Variants in TBCB observed in about 807,000 individuals in gnomAD.
TBCB encodes the protein tubulin folding cofactor B.
In TBCB, 18 loss-of-function variants were observed where a neutral mutation model predicts 29.2. That is an observed-to-expected ratio of 0.62 (90% CI 0.43 to 0.91). The LOEUF is 0.91. Ranked by LOEUF, TBCB falls within the 40% of genes least tolerant of loss-of-function variation. The probability of loss-of-function intolerance (pLI) is 0.00; values close to 1 mark genes in which losing one functional copy is unlikely to be tolerated. For synonymous variants in TBCB, 172 were observed against 137.8 expected (o/e 1.25, Z -1.74); for missense variants, 336 against 337.6 (o/e 1.00, Z 0.04).
Position 36,115,488 on chromosome 19 carries a change from A to AGCAGCG in TBCB, c.-71_-70insAGCGGC. ...GCGGGGCTGATAGCCCAGCAGCAGC[A>AGCAGCG]GCGGCGGCGGCGGCTGCGGAGCGGG... On this transcript the variant is annotated 5_prime_UTR_variant, in exon 1 of 6. Coordinates refer to ENST00000221855, the MANE Select transcript of TBCB (RefSeq NM_001281.3). 1 of 1,149,050 alleles carries AGCAGCG rather than the reference A, an allele frequency of 8.7e-7. No homozygotes were observed. Among genetic ancestry groups the AGCAGCG allele is most frequent in the South Asian group, 1.4e-5 (1 of 72,144 alleles). The allele number at this position is 1,149,050 out of a possible 1,614,324, so 71.2% of individuals were successfully genotyped here.
chr19:36,115,960 A>G, intron 1 of TBCB, 81 bp from the exon 2 acceptor site: 2 of 1,555,762 alleles, frequency 1.3e-6, no homozygotes, highest in Middle Eastern at 3.6e-4. Flanking sequence ...TTTTGGAGGA[A>G]AAGGGACGTG....
chr19:36,115,403 G>A, upstream of TBCB: 1 of 612,560 alleles, frequency 1.6e-6, no homozygotes, highest in East Asian at 2.9e-5. Context: ...GGAAGGGACG[G>A]CGGCGATTGG....
Position 36,125,853 on chromosome 19 carries a change from C to G in TBCB, c.*71C>G. 1 of 1,096,886 alleles carries G rather than the reference C, an allele frequency of 9.1e-7. No individual in the cohort carries two copies. The highest frequency in any genetic ancestry group is 1.3e-6 in the Non-Finnish European group (1 of 796,784). The allele number at this position is 1,096,886 out of a possible 1,614,324, so 67.9% of individuals were successfully genotyped here. On this transcript the variant is annotated 3_prime_UTR_variant, in exon 6 of 6. Transcript: ENST00000221855. ...TGCCCCTCCTGTGTGTGCCCATGGC[C>G]CTTTTCTCCTGACCCCATTTTAATT...
At chr19:36,119,207 C>G (rs1213090766) in intron 2 of TBCB, among the ~76,000 whole-genome samples, 2 of 152,096 alleles carry the variant, frequency 1.3e-5, no homozygotes, top group Non-Finnish European at 1.5e-5. Flanking sequence ...TAAATATCAC[C>G]CATATTCATT....
chr19:36,122,799 G>C (rs1198014358), intron 4 of TBCB, among the ~76,000 whole-genome samples: 2 of 149,548 alleles, frequency 1.3e-5, no homozygotes, highest in East Asian at 2.0e-4. Context: ...TATATGTATT[G>C]TTACATGGGT....
chr19:36,116,382 C>T (rs982306540), intron 2 of TBCB, 198 bp downstream of exon 2: 2 of 630,572 alleles, frequency 3.2e-6, no homozygotes, highest in Non-Finnish European at 5.0e-6. Flanking sequence ...CAGGAAATCC[C>T]AGGGGACTGG....
intron 2 of TBCB, among the ~76,000 whole-genome samples, chr19:36,119,582 G>A (rs552793566): frequency 7.9e-5 from 12 of 152,202 alleles, no homozygotes; most frequent in East Asian, 3.9e-4. Flanking sequence ...GTGGCACTTC[G>A]CTCCAGATAA....
chr19:36,115,589 C>G lies in TBCB; in HGVS notation c.29C>G (p.Thr10Arg). MEVTGVSAP[T>R]VTVFISSSLN... is the part of the protein sequence containing the mutation. ...GAGGTGACGGGGGTGTCGGCACCCA[C>G]GGTGACCGTTTTCATCAGCAGCTCC... The change falls in exon 1 of 6, where the codon ACG becomes AGG. Residue 10 changes from threonine (T) to arginine (R), a missense_variant. Transcript: ENST00000221855. 1.9e-6 allele frequency: 3 copies of G among 1,609,852 alleles called. No individual in the cohort carries two copies. The highest frequency in any genetic ancestry group is 2.5e-6 in the Non-Finnish European group (3 of 1,178,346).
At chr19:36,121,011 T>C (rs1041895850) in intron 3 of TBCB, among the ~76,000 whole-genome samples, 2 of 142,162 alleles carry the variant, frequency 1.4e-5, no homozygotes, top group African/African-American at 5.3e-5. Flanking sequence ...GTGTCAGGGG[T>C]ATGGGCAGTC....
At position 36,116,301 on chromosome 19, in the gene TBCB, C is replaced by T. The variant is rs1458919410; in HGVS notation, c.258+117C>T. The T allele has an allele frequency of 5.9e-6, 8 of 1,366,392 alleles. No individual in the cohort carries two copies. The Admixed American group carries it at 5.9e-5, about 10-fold the overall frequency. 84.6% of individuals were successfully genotyped at this position (1,366,392 alleles called of 1,614,324 possible). A position where few individuals can be genotyped will look rare whatever the true frequency, so the allele number is the denominator to read the frequency against. On this transcript the variant is annotated intron_variant, in intron 2 of 5. Transcript: ENST00000221855. ...GAGATAGGTCCTGCCTTCGTGGAGC[C>T]TCCAGTGCAGCCTGACGAGAGACAG...
chr19:36,123,330 C>T (rs548543657), intron 4 of TBCB, among the ~76,000 whole-genome samples: 4 of 149,648 alleles, frequency 2.7e-5, no homozygotes, highest in Admixed American at 6.7e-5. Context: ...GGCACAATCT[C>T]GGCCATTTCA....
chr19:36,115,287 C>T (rs1351945705), upstream of TBCB: 1 of 549,360 alleles, frequency 1.8e-6, no homozygotes, highest in Non-Finnish European at 3.2e-6. Flanking sequence ...GCCGCCTGTT[C>T]TGGTCCTTTC....
chr19:36,118,997 C>G (rs1057452072), intron 2 of TBCB, among the ~76,000 whole-genome samples: 3 of 152,128 alleles, frequency 2.0e-5, no homozygotes, highest in African/African-American at 7.2e-5. Context: ...GTGCACAGGA[C>G]TGAGCCTTTG....
chr19:36,124,622 C>T (rs1438207500), intron 4 of TBCB, among the ~76,000 whole-genome samples: 1 of 152,052 alleles, frequency 6.6e-6, no homozygotes, highest in African/African-American at 2.4e-5. Flanking sequence ...TCGCTCGTTC[C>T]AACCTCCGCC....
intron 3 of TBCB, among the ~76,000 whole-genome samples, chr19:36,121,225 CCGGAGGAGGG>C (rs1279668928): frequency 6.6e-6 from 1 of 151,324 alleles, no homozygotes; most frequent in African/African-American, 2.4e-5. Context: ...GGCCTCAGGG[CCGGAGGAGGG>C]CGGAGGAGGA....
intron 1 of TBCB, 83 bp downstream of exon 1, chr19:36,115,757 G>A (rs1973939833): frequency 2.3e-6 from 3 of 1,300,822 alleles, no homozygotes; most frequent in Admixed American, 4.0e-5. Context: ...GAGGGGCCGG[G>A]GAGTGACTGG....
Position 36,115,600 on chromosome 19 carries a change from T to G in TBCB, c.40T>G (p.Phe14Val), listed in dbSNP as rs1466482815. ...GGTGTCGGCACCCACGGTGACCGTT[T>G]TCATCAGCAGCTCCCTCAACACCTT... ...TGVSAPTVTVFISSSLNTFRS... is the reference protein window; with the variant it reads ...TGVSAPTVTVVISSSLNTFRS... The change falls in exon 1 of 6, where the codon TTC (phenylalanine) becomes GTC (valine). Residue 14 changes from phenylalanine (F) to valine (V), a missense_variant. Physicochemically the swap from Phe to Val is conservative, Grantham distance 50. Transcript: ENST00000221855. 1 of 1,610,308 alleles carries G rather than the reference T, an allele frequency of 6.2e-7. No homozygotes were observed. The highest frequency in any genetic ancestry group is 8.5e-7 in the Non-Finnish European group (1 of 1,178,638).
intron 4 of TBCB, 75 bp from the exon 5 acceptor site, chr19:36,125,376 C>T (rs534539036): frequency 3.3e-6 from 5 of 1,524,424 alleles, no homozygotes; most frequent in Non-Finnish European, 4.5e-6. Context: ...GGCATGGATC[C>T]AGGGTGATCC....
At chr19:36,122,754 CAA>C (rs200939642) in intron 4 of TBCB, among the ~76,000 whole-genome samples, 40 of 62,770 alleles carry the variant, frequency 6.4e-4, no homozygotes, top group Admixed American at 7.1e-4. Context: ...ACCCTGTCTC[CAA>C]AAAAAAAAAA....
Sources: allele counts gnomAD v4.1 joint callset (sites outside exome capture counted in the v4.1 genomes callset), GRCh38; gene constraint gnomAD v4.1.1; transcripts MANE v1.5; gene names NCBI Gene and HGNC (gene_info 2026-07-23, HGNC 2026-07-21).